RAPGEF4: variants seen among roughly 807,000 people sequenced by gnomAD.
RAPGEF4 encodes the protein Rap guanine nucleotide exchange factor 4.
Under a neutral mutation model 147.9 loss-of-function variants are expected in RAPGEF4, and 66 were observed. The ratio of observed to expected loss-of-function variants is 0.45; its 90% CI spans 0.37 to 0.55. RAPGEF4 has a LOEUF of 0.55. Among genes scored for constraint, RAPGEF4 ranks in the 20% least tolerant of loss-of-function variants. RAPGEF4 has a pLI of 0.00. For synonymous variants in RAPGEF4, 419 were observed against 442.7 expected (o/e 0.95, Z 0.67); for missense variants, 1,071 against 1,257.3 (o/e 0.85, Z 2.24).
intron 21 of RAPGEF4, 140 bp from the exon 22 acceptor site, chr2:173,018,516 G>A: frequency 2.3e-6 from 2 of 851,882 alleles, no homozygotes; most frequent in Non-Finnish European, 3.6e-6. Context: ...AGGAATAGGG[G>A]TAAATGAGTA....
chr2:172,815,201 G>T (rs960106470), intron 4 of RAPGEF4, among the ~76,000 whole-genome samples: 1 of 152,236 alleles, frequency 6.6e-6, no homozygotes, highest in Non-Finnish European at 1.5e-5. Context: ...CCATCAGGCT[G>T]CAGGCTTCGC....
At chr2:173,018,946 C>A in intron 22 of RAPGEF4, 144 bp downstream of exon 22, 1 of 935,316 alleles carries the variant, frequency 1.1e-6, no homozygotes, top group Non-Finnish European at 1.6e-6. Context: ...ATAACAGAAA[C>A]AGTATGGGTA....
intron 4 of RAPGEF4, among the ~76,000 whole-genome samples, chr2:172,863,466 A>C (rs1453529481): frequency 6.6e-6 from 1 of 152,148 alleles, no homozygotes. Context: ...AACTTATTTA[A>C]GTTTTCCTGA....
At chr2:172,786,873 C>T (rs112140939) in intron 1 of RAPGEF4, among the ~76,000 whole-genome samples, 1 of 152,154 alleles carries the variant, frequency 6.6e-6, no homozygotes, top group African/African-American at 2.4e-5. Context: ...GACAACATAG[C>T]AAGACCGCCA....
At chr2:172,816,508 A>C (rs1406603508) in intron 4 of RAPGEF4, among the ~76,000 whole-genome samples, 1 of 152,194 alleles carries the variant, frequency 6.6e-6, no homozygotes, top group Admixed American at 6.5e-5. Flanking sequence ...GATGCTGAGG[A>C]TATTGCTCTG....
At chr2:173,036,772 C>G in intron 29 of RAPGEF4, 80 bp downstream of exon 29, 1 of 989,528 alleles carries the variant, frequency 1.0e-6, no homozygotes, top group Non-Finnish European at 1.5e-6. Flanking sequence ...GAAATAATTT[C>G]CATATATGCT....
rs117652888 is a variant in RAPGEF4 at position 172,979,203 on chromosome 2, G to A, written c.1005-4293G>A. ...ATGTGTCCTGTACCAAAAGTGAGTT[G>A]TGCCGTGGATGCCTTGCCTTGCTTA... On this transcript the variant is annotated intron_variant, in intron 10 of 30. Transcript: ENST00000397081. Among the ~76,000 whole-genome samples, 10 of 152,270 alleles carry A rather than the reference G, an allele frequency of 6.6e-5. No homozygotes were observed. In the East Asian group the frequency reaches 1.9e-3, roughly 29 times the overall value.
intron 6 of RAPGEF4, among the ~76,000 whole-genome samples, chr2:172,939,204 G>T (rs1371239679): frequency 6.6e-6 from 1 of 152,188 alleles, no homozygotes; most frequent in Non-Finnish European, 1.5e-5. Flanking sequence ...AGATTGTGTG[G>T]TAACACTATA....
rs189919857 is a variant in RAPGEF4, at chr2:172,798,514, A to C, written c.297+901A>C. The stretch of plus-strand genomic sequence containing the variant: ...TTATTTCCACATATTCAGGATTCAG[A>C]AAAAAACTGAAGGAAGAGAATCAGT... On this transcript the variant is annotated intron_variant, in intron 3 of 30. Coordinates refer to ENST00000397081, the MANE Select transcript of RAPGEF4 (RefSeq NM_007023.4). 2.6e-3 allele frequency among the ~76,000 whole-genome samples: 391 copies of C among 152,266 alleles called. 4 individuals carry two copies. The highest frequency in any genetic ancestry group is 8.9e-3 in the African/African-American group (370 of 41,560).
intron 23 of RAPGEF4, among the ~76,000 whole-genome samples, chr2:173,025,624 G>A (rs1696587816): frequency 6.6e-6 from 1 of 152,086 alleles, no homozygotes; most frequent in South Asian, 2.1e-4. Context: ...TGTATTTTCA[G>A]TAGAGACAGG....
chr2:172,745,487 C>A (rs1694684112), intron 1 of RAPGEF4, among the ~76,000 whole-genome samples: 1 of 151,622 alleles, frequency 6.6e-6, no homozygotes, highest in South Asian at 2.1e-4. Flanking sequence ...AGGAGCTTCC[C>A]AATTTTGTTA....
chr2:172,753,973 A>G (rs1695537916), intron 1 of RAPGEF4, among the ~76,000 whole-genome samples: 1 of 152,162 alleles, frequency 6.6e-6, no homozygotes, highest in Admixed American at 6.5e-5. Context: ...GTGTTGACAT[A>G]TCTTTATCCT....
intron 5 of RAPGEF4, among the ~76,000 whole-genome samples, chr2:172,920,097 A>G (rs76531257): frequency 0.021 from 3,178 of 152,258 alleles, 124 homozygotes; most frequent in African/African-American, 0.073. Context: ...GAAAAATTTC[A>G]AACATACAGA....
intron 9 of RAPGEF4, 92 bp from the exon 10 acceptor site, chr2:172,967,169 C>A (rs1057240933): frequency 2.3e-6 from 3 of 1,302,668 alleles, no homozygotes; most frequent in African/African-American, 2.9e-5. Context: ...TGCCACTTGG[C>A]CCTCCTGCCT....
At chr2:172,995,245 TTGTGTG>T (rs71018528) in intron 15 of RAPGEF4, among the ~76,000 whole-genome samples, 77,220 of 138,402 alleles carry the variant, frequency 0.56, 21,609 homozygotes, top group East Asian at 0.76. Flanking sequence ...ACTTGCCTGT[TTGTGTG>T]TGTGTGTGTG....
intron 5 of RAPGEF4, among the ~76,000 whole-genome samples, chr2:172,920,887 G>C (rs1053380530): frequency 1.3e-5 from 2 of 152,048 alleles, no homozygotes; most frequent in Non-Finnish European, 2.9e-5. Flanking sequence ...TCCTCTTTCT[G>C]ACAGACCTGG....
intron 11 of RAPGEF4, among the ~76,000 whole-genome samples, chr2:172,984,657 G>A (rs1484924353): frequency 6.6e-6 from 1 of 152,192 alleles, no homozygotes; most frequent in African/African-American, 2.4e-5. Context: ...CACCTGGGAA[G>A]CCCTCATATA....
At chr2:172,793,234 G>A (rs1249241208) in intron 1 of RAPGEF4, among the ~76,000 whole-genome samples, 1 of 152,010 alleles carries the variant, frequency 6.6e-6, no homozygotes, top group East Asian at 1.9e-4. Flanking sequence ...TATTAGATTA[G>A]GGCCAACCAT....
chr2:172,918,485 C>A (rs762242514), intron 5 of RAPGEF4, among the ~76,000 whole-genome samples: 4 of 150,868 alleles, frequency 2.7e-5, no homozygotes, highest in African/African-American at 9.8e-5. Context: ...ATATGTATAT[C>A]AAAACAATGT....
Sources: gnomAD v4.1 joint callset for allele counts (sites outside exome capture counted in the v4.1 genomes callset) on GRCh38, gnomAD v4.1.1 for gene constraint, MANE v1.5 for transcripts, NCBI Gene and HGNC (gene_info 2026-07-23, HGNC 2026-07-21) for gene names.